SLC66A2: variants seen among roughly 807,000 people sequenced by gnomAD.
SLC66A2 encodes solute carrier family 66 member 2.
A neutral mutation model predicts 25.5 loss-of-function variants in SLC66A2; 23 were observed. That is an observed-to-expected ratio of 0.90 (90% CI 0.65 to 1.28). SLC66A2 has a LOEUF of 1.28. Among genes scored for constraint, SLC66A2 ranks in the 50% most tolerant of loss-of-function variants. The pLI is 0.00. For synonymous variants in SLC66A2, 193 were observed against 166.5 expected (o/e 1.16, Z -1.23); for missense variants, 396 against 373.1 (o/e 1.06, Z -0.51).
chr18:79,929,143 A>C (rs1382979148), intron 4 of SLC66A2, among the ~76,000 whole-genome samples: 3 of 152,232 alleles, frequency 2.0e-5, no homozygotes, highest in African/African-American at 7.2e-5. Flanking sequence ...TGATGAGCTC[A>C]AAGTTTATCA....
chr18:79,930,601 C>T (rs1475866479), intron 4 of SLC66A2, among the ~76,000 whole-genome samples: 1 of 152,138 alleles, frequency 6.6e-6, no homozygotes, highest in Non-Finnish European at 1.5e-5. Flanking sequence ...TAAAAAGTAA[C>T]TGCATGAAAC....
chr18:79,923,128 G>A (rs1417647152), intron 4 of SLC66A2, among the ~76,000 whole-genome samples: 11 of 151,276 alleles, frequency 7.3e-5, no homozygotes, highest in Non-Finnish European at 1.6e-4. Context: ...AACACAGCGG[G>A]GCGTGGGCTC....
chr18:79,909,664 C>G (rs1464292493), intron 5 of SLC66A2, among the ~76,000 whole-genome samples: 1 of 134,590 alleles, frequency 7.4e-6, no homozygotes, highest in African/African-American at 2.8e-5. Context: ...GAGTCCCCAA[C>G]CTTCCCCACC....
At chr18:79,914,067 A>G (rs886256436) in intron 5 of SLC66A2, among the ~76,000 whole-genome samples, 3 of 152,056 alleles carry the variant, frequency 2.0e-5, no homozygotes, top group African/African-American at 7.2e-5. Flanking sequence ...TGCCACACCT[A>G]GCTAATTTTT....
intron 4 of SLC66A2, among the ~76,000 whole-genome samples, chr18:79,926,263 T>C (rs576061725): frequency 1.3e-5 from 2 of 152,184 alleles, no homozygotes; most frequent in Non-Finnish European, 2.9e-5. Context: ...CCTAATAAAC[T>C]TGCTTTCACT....
Position 79,917,037 on chromosome 18 carries a change from G to A in SLC66A2, c.608+2147C>T, listed in dbSNP as rs1441617281. 6.6e-6 allele frequency among the ~76,000 whole-genome samples: 1 copy of A among 152,254 alleles called. No homozygotes were observed. The highest frequency in any genetic ancestry group is 1.5e-5 in the Non-Finnish European group (1 of 68,034). Reference sequence around the variant, plus strand: ...GCCTGCACATGGAAGTGTGTGTGCTGCTTGTGGTGAAGTGAGTGAGAACAG... The same window carrying A: ...GCCTGCACATGGAAGTGTGTGTGCTACTTGTGGTGAAGTGAGTGAGAACAG... On this transcript the variant is annotated intron_variant, in intron 5 of 5. Coordinates refer to ENST00000397778, the MANE Select transcript of SLC66A2 (RefSeq NM_025078.5). The surrounding 1 kb of genome is among the most constrained non-coding windows in gnomAD (Gnocchi z 6.0).
chr18:79,947,484 C>G (rs1314391917), intron 2 of SLC66A2: 1 of 153,308 alleles, frequency 6.5e-6, no homozygotes, highest in Non-Finnish European at 1.5e-5. Flanking sequence ...GACTGGAGCT[C>G]TGAGGACCAT....
rs1987254346 is a variant in SLC66A2, at chr18:79,937,826, CA to C, written c.338-3805del. Among the ~76,000 whole-genome samples the C allele has an allele frequency of 6.6e-6, 1 of 152,150 alleles. No individual in the cohort carries two copies. The highest frequency in any genetic ancestry group is 6.5e-5 in the Admixed American group (1 of 15,280). ...GGGACATAAAGACACGAGGAAACAC[CA>C]GGAGTGCCATCTCCACTGCAGGGCT... On this transcript the variant is annotated intron_variant, in intron 3 of 5. Transcript: ENST00000397778. This position sits in a 1 kb window ranked among gnomAD's most constrained non-coding sequence, Gnocchi z 5.4.
intron 2 of SLC66A2, among the ~76,000 whole-genome samples, 196 bp downstream of exon 2, chr18:79,950,528 C>T (rs1252203883): frequency 6.6e-6 from 1 of 152,138 alleles, no homozygotes; most frequent in Non-Finnish European, 1.5e-5. Flanking sequence ...GTGCTCCAAC[C>T]CCACCGTTTT....
rs1161110391 is a variant in SLC66A2 at position 79,951,600 on chromosome 18, C to T, written c.-119G>A. 1 of 151,496 alleles carries T rather than the reference C, an allele frequency of 6.6e-6. No homozygotes were observed. The highest frequency in any genetic ancestry group is 2.4e-5 in the African/African-American group (1 of 41,278). The allele number at this position is 151,496 out of a possible 1,614,324, so 9.4% of individuals were successfully genotyped here. ...CCTTACCTGCGCCCCCAGCCCCGCG[C>T]CCAGCGCCCCGCGTCCCCGCGCCGC... is the stretch of plus-strand genomic sequence containing the variant. On this transcript the variant is annotated 5_prime_UTR_variant, in exon 1 of 6. Transcript: ENST00000397778.
At chr18:79,924,115 G>C (rs1196333295) in intron 4 of SLC66A2, among the ~76,000 whole-genome samples, 1 of 152,158 alleles carries the variant, frequency 6.6e-6, no homozygotes, top group Non-Finnish European at 1.5e-5. Flanking sequence ...CCACTGCCGG[G>C]CCGGCGGAGA....
At chr18:79,923,042 G>A (rs543648087) in intron 4 of SLC66A2, among the ~76,000 whole-genome samples, 14 of 151,782 alleles carry the variant, frequency 9.2e-5, no homozygotes, top group African/African-American at 2.4e-4. Flanking sequence ...GACGCTGCTC[G>A]GCATCCGAGC....
chr18:79,943,157 C>T (rs1307863074), intron 3 of SLC66A2, among the ~76,000 whole-genome samples, 172 bp downstream of exon 3: 3 of 152,312 alleles, frequency 2.0e-5, no homozygotes, highest in Non-Finnish European at 1.5e-5. Context: ...AGTCATAAAC[C>T]GTTTAACTGA....
Position 79,948,905 on chromosome 18 carries a change from T to G in SLC66A2, c.203+1819A>C, listed in dbSNP as rs1297002125. Among the ~76,000 whole-genome samples the G allele has an allele frequency of 3.3e-5, 5 of 152,112 alleles. No homozygotes were observed. In the East Asian group the frequency reaches 9.6e-4, roughly 29 times the overall value. Reference sequence around the variant, plus strand: ...AAAGTAAACAACAGCATTAGACAATTAGAAACCTACTTCCAGTCAACCTTA... The same window carrying G: ...AAAGTAAACAACAGCATTAGACAATGAGAAACCTACTTCCAGTCAACCTTA... On this transcript the variant is annotated intron_variant, in intron 2 of 5. Coordinates refer to ENST00000397778, the MANE Select transcript of SLC66A2 (RefSeq NM_025078.5).
intron 2 of SLC66A2, among the ~76,000 whole-genome samples, chr18:79,945,519 T>C (rs746898100): frequency 6.6e-6 from 1 of 152,198 alleles, no homozygotes; most frequent in Non-Finnish European, 1.5e-5. Flanking sequence ...CTTGCCTCAC[T>C]GGATGCTTCC....
chr18:79,941,727 T>C lies in SLC66A2; in HGVS notation c.337+1602A>G, dbSNP rs1188442747. 1 of 152,424 alleles carries C rather than the reference T, an allele frequency of 6.6e-6. No individual in the cohort carries two copies. Among genetic ancestry groups the C allele is most frequent in the Non-Finnish European group, 1.5e-5 (1 of 68,232 alleles). The allele number at this position is 152,424 out of a possible 1,614,324, so 9.4% of individuals were successfully genotyped here. ...CACACACTCACATTAAACCCCACGC[T>C]GGCTGCTCTGCCTGGACACTCACAA... On this transcript the variant is annotated intron_variant, in intron 3 of 5. Coordinates refer to ENST00000397778, the MANE Select transcript of SLC66A2 (RefSeq NM_025078.5). The surrounding 1 kb of genome is among the most constrained non-coding windows in gnomAD (Gnocchi z 4.1).
chr18:79,917,721 T>C lies in SLC66A2; in HGVS notation c.608+1463A>G, dbSNP rs191418743. Among the ~76,000 whole-genome samples, 420 of 152,042 alleles carry C rather than the reference T, an allele frequency of 2.8e-3. 3 individuals are homozygous for C. Among genetic ancestry groups the C allele is most frequent in the African/African-American group, 9.5e-3 (394 of 41,456 alleles). On this transcript the variant is annotated intron_variant, in intron 5 of 5. Coordinates refer to ENST00000397778, the MANE Select transcript of SLC66A2 (RefSeq NM_025078.5). The surrounding 1 kb of genome is among the most constrained non-coding windows in gnomAD (Gnocchi z 6.0). ...ACAGTGAGGGAGCCTGTTCCAGCCA[T>C]GGACACCCTCTCGGGCCTCCATGCA...
intron 4 of SLC66A2, among the ~76,000 whole-genome samples, chr18:79,930,883 T>C (rs368642382): frequency 9.2e-5 from 14 of 152,266 alleles, no homozygotes; most frequent in South Asian, 6.2e-4. Context: ...GAAAAATATA[T>C]TGTTAGGTTG....
intron 4 of SLC66A2, among the ~76,000 whole-genome samples, chr18:79,922,427 C>G (rs1302447852): frequency 6.6e-6 from 1 of 152,126 alleles, no homozygotes; most frequent in Non-Finnish European, 1.5e-5. Flanking sequence ...TCCTGTTCCT[C>G]AGATGTTACC....
Sources: allele counts gnomAD v4.1 joint callset (sites outside exome capture counted in the v4.1 genomes callset), GRCh38; gene constraint gnomAD v4.1.1; non-coding constraint Gnocchi (gnomAD v3.1); transcripts MANE v1.5; gene names NCBI Gene and HGNC (gene_info 2026-07-23, HGNC 2026-07-21).